SKIL: variants seen among roughly 807,000 people sequenced by gnomAD.
SKIL encodes the protein ski-like protein.
SKIL carries 20 observed loss-of-function variants against 69.6 expected under a neutral mutation model. The ratio of observed to expected loss-of-function variants is 0.29; its 90% CI spans 0.20 to 0.42. SKIL has a LOEUF of 0.42. Among genes scored for constraint, SKIL ranks in the 10% least tolerant of loss-of-function variants. The pLI, the probability that SKIL is intolerant of heterozygous loss-of-function variation, is 1.00. For missense variants in SKIL, 745 were observed against 783.1 expected (o/e 0.95, Z 0.58); for synonymous variants, 310 against 279.9 (o/e 1.11, Z -1.08).
chr3:170,379,460 C>T (rs1737212099), intron 2 of SKIL, among the ~76,000 whole-genome samples: 1 of 137,630 alleles, frequency 7.3e-6, no homozygotes, highest in Non-Finnish European at 1.6e-5. Flanking sequence ...TTTCCCCTTT[C>T]CCTTACCAGT....
intron 2 of SKIL, among the ~76,000 whole-genome samples, chr3:170,366,055 C>CTT (rs753671366): frequency 9.4e-5 from 12 of 128,302 alleles, no homozygotes; most frequent in South Asian, 2.6e-4. Context: ...TGCGCCTGGC[C>CTT]TTTTTTTTTT....
chr3:170,382,416 T>TA (rs34123886), intron 3 of SKIL, among the ~76,000 whole-genome samples: 48,186 of 148,214 alleles, frequency 0.33, 8,512 homozygotes, highest in East Asian at 0.55. Context: ...AACTTTGATT[T>TA]TTTTTTTTTT....
rs1031232157 is a variant in SKIL at position 170,396,486 on chromosome 3, A to G, written c.*4069A>G. The G allele has an allele frequency of 7.9e-5, 12 of 152,320 alleles. No individual in the cohort carries two copies. Among genetic ancestry groups the G allele is most frequent in the Non-Finnish European group, 1.3e-4 (9 of 68,014 alleles). 9.4% of individuals were successfully genotyped at this position (152,320 alleles called of 1,614,324 possible). The stretch of plus-strand genomic sequence containing the variant: ...CAGTAAATGAAATATCTGTTCTGCA[A>G]CTGTTGAAACAAATAATTGGCTACA... On this transcript the variant is annotated 3_prime_UTR_variant, in exon 7 of 7. Transcript: ENST00000259119.
Position 170,381,475 on chromosome 3 carries a change from C to CA in SKIL, c.1196+135dup, listed in dbSNP as rs1387218562. On this transcript the variant is annotated intron_variant, in intron 3 of 6. Transcript: ENST00000259119. ...GGTGGCAGAGTCTTGCTCTGTTACC[C>CA]AGGCTGGAGTGCAGTGGCGCGATCT... 1.3e-4 allele frequency: 75 copies of CA among 579,740 alleles called. 1 individual carries two copies. The South Asian group carries it at 1.4e-3, about 11-fold the overall frequency. 35.9% of individuals were successfully genotyped at this position (579,740 alleles called of 1,614,324 possible).
In SKIL at chr3:170,360,187, TATTA is replaced by T. The variant is rs1386876673; in HGVS notation, c.-141_-138del. 5.7e-5 allele frequency: 44 copies of T among 767,310 alleles called. 1 individual carries two copies. Among genetic ancestry groups the T allele is most frequent in the Middle Eastern group, 5.8e-4 (2 of 3,426 alleles). The allele number at this position is 767,310 out of a possible 1,614,324, so 47.5% of individuals were successfully genotyped here. A position where few individuals can be genotyped will look rare whatever the true frequency, so the allele number is the denominator to read the frequency against. The stretch of plus-strand genomic sequence containing the variant: ...AGAACCAAAACTAAGTCGCAAAATT[TATTA>T]ATTTAAGGGGCTCTCGCTTTGAAAG... On this transcript the variant is annotated 5_prime_UTR_variant, in exon 2 of 7. Coordinates refer to ENST00000259119, the MANE Select transcript of SKIL (RefSeq NM_005414.5).
At chr3:170,380,725 C>T (rs906687834) in intron 2 of SKIL, among the ~76,000 whole-genome samples, 4 of 152,090 alleles carry the variant, frequency 2.6e-5, no homozygotes, top group African/African-American at 9.7e-5. Flanking sequence ...TCCATGTTAG[C>T]ATGCATACTG....
chr3:170,380,473 T>G (rs1007542488), intron 2 of SKIL, among the ~76,000 whole-genome samples: 2 of 151,970 alleles, frequency 1.3e-5, no homozygotes. Context: ...CAAAACCCAA[T>G]CTCTACTAAG....
At position 170,381,347 on chromosome 3, in the gene SKIL, T is replaced by A. The variant is rs1485176004; in HGVS notation, c.1196+6T>A. The A allele has an allele frequency of 7.3e-7, 1 of 1,378,888 alleles. No homozygotes were observed. Among genetic ancestry groups the A allele is most frequent in the Admixed American group, 1.7e-5 (1 of 59,662 alleles). The allele number at this position is 1,378,888 out of a possible 1,614,324, so 85.4% of individuals were successfully genotyped here. ...CATTCATTTTTACACCCCAGGTGAG[T>A]TGGTATTTATTTGTTCGTTTGTTCA... On this transcript the variant is annotated splice_donor_region_variant and intron_variant, in intron 3 of 6. Transcript: ENST00000259119.
At chr3:170,365,464 T>G (rs1736453229) in intron 2 of SKIL, among the ~76,000 whole-genome samples, 1 of 152,176 alleles carries the variant, frequency 6.6e-6, no homozygotes, top group African/African-American at 2.4e-5. Flanking sequence ...ATTTTTGGAT[T>G]TGGGATGCTC....
intron 4 of SKIL, among the ~76,000 whole-genome samples, chr3:170,389,583 G>A (rs1737810374): frequency 6.6e-6 from 1 of 152,066 alleles, no homozygotes; most frequent in Admixed American, 6.6e-5. Context: ...CAAAGTGCTG[G>A]GATTACAGGC....
chr3:170,392,165 A>G (rs1737958849), intron 6 of SKIL, 94 bp from the exon 7 acceptor site: 9 of 1,058,192 alleles, frequency 8.5e-6, no homozygotes, highest in Non-Finnish European at 1.2e-5. Flanking sequence ...TTCGTTTTGT[A>G]AAAAGTAATT....
chr3:170,382,413 A>ATTTT (rs773770207), intron 3 of SKIL, among the ~76,000 whole-genome samples: 7 of 119,114 alleles, frequency 5.9e-5, no homozygotes, highest in African/African-American at 1.4e-4. Context: ...TGCAACTTTG[A>ATTTT]TTTTTTTTTT....
intron 2 of SKIL, among the ~76,000 whole-genome samples, chr3:170,378,010 C>G (rs560063183): frequency 7.9e-5 from 12 of 152,186 alleles, no homozygotes; most frequent in Non-Finnish European, 1.0e-4. Context: ...TCTCCTGCCT[C>G]AGCCTCCTGA....
chr3:170,359,162 TTTATG>T (rs1186589625), intron 1 of SKIL, among the ~76,000 whole-genome samples: 2 of 152,228 alleles, frequency 1.3e-5, no homozygotes, highest in Non-Finnish European at 1.5e-5. Context: ...CGAAAGGCCT[TTTATG>T]TTATATTATT....
At chr3:170,385,993 T>C (rs948165429) in intron 4 of SKIL, among the ~76,000 whole-genome samples, 8 of 151,660 alleles carry the variant, frequency 5.3e-5, no homozygotes, top group African/African-American at 1.9e-4. Flanking sequence ...GTTTTCTCCA[T>C]GTTGGTCAGG....
chr3:170,372,859 G>T (rs1736855134), intron 2 of SKIL, among the ~76,000 whole-genome samples: 1 of 152,252 alleles, frequency 6.6e-6, no homozygotes, highest in Non-Finnish European at 1.5e-5. Flanking sequence ...GTGTAAATAG[G>T]CCATTAGGGA....
intron 2 of SKIL, among the ~76,000 whole-genome samples, chr3:170,368,340 A>G (rs558839744): frequency 6.6e-6 from 1 of 151,118 alleles, no homozygotes; most frequent in African/African-American, 2.4e-5. Flanking sequence ...TTTACAGAGT[A>G]TTTTTTCTAT....
Position 170,370,243 on chromosome 3 carries a change from A to T in SKIL, c.1098+8814A>T, listed in dbSNP as rs1362018491. On this transcript the variant is annotated intron_variant, in intron 2 of 6. Coordinates refer to ENST00000259119, the MANE Select transcript of SKIL (RefSeq NM_005414.5). ...GACAGAGTGAGACTCCGTCTCAAAA[A>T]AATAAAATAAAATAAAATGTGGTTT... Among the ~76,000 whole-genome samples the T allele has an allele frequency of 2.0e-5, 3 of 152,112 alleles. No individual in the cohort carries two copies. In the East Asian group the frequency reaches 5.8e-4, roughly 29 times the overall value.
intron 2 of SKIL, among the ~76,000 whole-genome samples, chr3:170,364,348 A>G (rs1577410425): frequency 9.7e-6 from 1 of 103,416 alleles, no homozygotes; most frequent in Non-Finnish European, 1.8e-5. Flanking sequence ...TTTGAGACAG[A>G]GTTTCGCTCT....
Sources: gnomAD v4.1 joint callset for allele counts (sites outside exome capture counted in the v4.1 genomes callset) on GRCh38, gnomAD v4.1.1 for gene constraint, MANE v1.5 for transcripts, NCBI Gene and HGNC (gene_info 2026-07-23, HGNC 2026-07-21) for gene names.